RGP1: variants seen among roughly 807,000 people sequenced by gnomAD.
RGP1 encodes the protein RGP1 partner of RAB6A GEF complex, also known as RAB6A-GEF complex partner protein 2.
RGP1 carries 28 observed loss-of-function variants against 44.5 expected under a neutral mutation model. That is an observed-to-expected ratio of 0.63 (90% CI 0.47 to 0.86). The LOEUF is 0.86. Among genes scored for constraint, RGP1 ranks in the 40% least tolerant of loss-of-function variants. The pLI, the probability that RGP1 is intolerant of heterozygous loss-of-function variation, is 0.00. For synonymous variants in RGP1, 212 were observed against 196.7 expected (o/e 1.08, Z -0.65); for missense variants, 417 against 490.7 (o/e 0.85, Z 1.42).
the RGP1 span, among the ~76,000 whole-genome samples, chr9:35,781,766 A>G: frequency 6.6e-6 from 1 of 151,922 alleles, no homozygotes; most frequent in East Asian, 1.9e-4. Context: ...CTGTTCTGTT[A>G]TTGCTTATCC....
the RGP1 span, among the ~76,000 whole-genome samples, chr9:35,781,480 G>T: frequency 1.3e-5 from 2 of 151,832 alleles, no homozygotes; most frequent in Non-Finnish European, 2.9e-5. Context: ...TGATGAGAGT[G>T]GGTGCTACTG....
rs759223769 is a variant in RGP1, at chr9:35,751,707, G to C, written c.715G>C (p.Val239Leu). The change falls in exon 7 of 9, where the codon GTG becomes CTG. Residue 239 changes from valine to leucine, a missense_variant. Physicochemically the swap from Val to Leu is conservative, Grantham distance 32. Transcript: ENST00000378078. ...FKSVYRLGED[V>L]VGTLNLGEGT... ...ATCTGTGTACAGACTTGGCGAGGAC[G>C]TGGTGGGGACCTTAAACTTAGGGGA... 6.2e-7 allele frequency: 1 copy of C among 1,613,952 alleles called. No individual in the cohort carries two copies. The highest frequency in any genetic ancestry group is 1.7e-5 in the Admixed American group (1 of 60,014).
chr9:35,753,037 C>G lies in RGP1; in HGVS notation c.*163C>G. On this transcript the variant is annotated 3_prime_UTR_variant, in exon 9 of 9. Transcript: ENST00000378078. The surrounding 1 kb of genome is among the most constrained non-coding windows in gnomAD (Gnocchi z 4.2). ...TTTGTTCAGAATACATTGGCAGCTGCTAGTGGTTTCCCTGGAAGTGGCAGC... is the reference window on the plus strand; with the variant it reads ...TTTGTTCAGAATACATTGGCAGCTGGTAGTGGTTTCCCTGGAAGTGGCAGC... 1 of 1,586,160 alleles carries G rather than the reference C, an allele frequency of 6.3e-7. No individual in the cohort carries two copies.
chr9:35,774,048 A>G, the RGP1 span, among the ~76,000 whole-genome samples: 9 of 152,340 alleles, frequency 5.9e-5, no homozygotes, highest in East Asian at 1.9e-4. Flanking sequence ...ACTTTAAAAA[A>G]TGTGTATTGG....
the RGP1 span, among the ~76,000 whole-genome samples, chr9:35,775,773 C>G: frequency 6.6e-6 from 1 of 152,142 alleles, no homozygotes; most frequent in Admixed American, 6.5e-5. Context: ...CAAGCAAACT[C>G]TTTTAAAAAA....
chr9:35,754,032 C>T lies in RGP1; in HGVS notation c.*1158C>T. ...TTGGAAGTAGCACTTGCTGTAGACT[C>T]CTGGGTGCTGGAGGAGTAGAGACAT... On this transcript the variant is annotated 3_prime_UTR_variant, in exon 9 of 9. Coordinates refer to ENST00000378078, the MANE Select transcript of RGP1 (RefSeq NM_001080496.3). The T allele has an allele frequency of 6.2e-7, 1 of 1,613,812 alleles. No homozygotes were observed. Among genetic ancestry groups the T allele is most frequent in the Non-Finnish European group, 8.5e-7 (1 of 1,179,826 alleles).
chr9:35,750,135 T>G, intron 2 of RGP1, 108 bp from the exon 3 acceptor site: 14 of 1,442,134 alleles, frequency 9.7e-6, no homozygotes, highest in Non-Finnish European at 1.3e-5. Flanking sequence ...TCCTGATCAC[T>G]AGGACAGCCA....
At chr9:35,761,709 A>G (rs965748261), downstream of RGP1, among the ~76,000 whole-genome samples, 1 of 152,118 alleles carries the variant, frequency 6.6e-6, no homozygotes, top group African/African-American at 2.4e-5. Context: ...ACCCCAAAAA[A>G]ACAAAAACAA....
At chr9:35,777,964 TTTTGAATAG>T in the RGP1 span, among the ~76,000 whole-genome samples, 1 of 152,228 alleles carries the variant, frequency 6.6e-6, no homozygotes, top group Non-Finnish European at 1.5e-5. Flanking sequence ...TAATTAAAAA[TTTTGAATAG>T]GTCATACTTG....
chr9:35,753,921 A>T lies in RGP1; in HGVS notation c.*1047A>T. The T allele has an allele frequency of 6.4e-7, 1 of 1,562,042 alleles. No individual in the cohort carries two copies. ...CTGGAGGAAGCCTGGGTATTTTGAC[A>T]CGGGATCATCTGTAAGGCCCCATCC... is the stretch of plus-strand genomic sequence containing the variant. On this transcript the variant is annotated 3_prime_UTR_variant, in exon 9 of 9. Transcript: ENST00000378078. The surrounding 1 kb of genome is among the most constrained non-coding windows in gnomAD (Gnocchi z 4.2).
Position 35,752,719 on chromosome 9 carries a change from C to T in RGP1, c.1021C>T (p.Pro341Ser), listed in dbSNP as rs61731189. 1.4e-5 allele frequency: 23 copies of T among 1,613,586 alleles called. No homozygotes were observed. The highest frequency in any genetic ancestry group is 4.0e-5 in the African/African-American group (3 of 74,886). Residue 341 changes from proline to serine, a missense_variant, in exon 9 of 9, where the codon CCT (proline) becomes TCT (serine). Pro to Ser is a moderately conservative substitution (Grantham distance 74). Transcript: ENST00000378078. ...SREPGLVLLPPVEQPEPTTWT... is the reference protein window; with the variant it reads ...SREPGLVLLPSVEQPEPTTWT... ...AGAACCAGGATTGGTACTCCTACCC[C>T]CTGTGGAACAGCCCGAACCTACCAC...
chr9:35,763,982 G>A, the RGP1 span, among the ~76,000 whole-genome samples: 1 of 151,418 alleles, frequency 6.6e-6, no homozygotes, highest in Non-Finnish European at 1.5e-5. Flanking sequence ...GAGAGAGGAG[G>A]GGAGGAAGAG....
rs1391107632 is a variant in RGP1 at position 35,755,536 on chromosome 9, G to GA, written c.*2662_*2663insA. The GA allele has an allele frequency of 1.3e-5, 2 of 152,274 alleles. No homozygotes were observed. Among genetic ancestry groups the GA allele is most frequent in the African/African-American group, 2.4e-5 (1 of 41,426 alleles). The allele number at this position is 152,274 out of a possible 1,614,324, so 9.4% of individuals were successfully genotyped here. On this transcript the variant is annotated 3_prime_UTR_variant, in exon 9 of 9. Coordinates refer to ENST00000378078, the MANE Select transcript of RGP1 (RefSeq NM_001080496.3). ...AATTTTTCCACCAGTGGATGGAGGG[G>GA]GATAGCAGCGGGGAGATGATTTTGG...
At chr9:35,782,337 G>A in the RGP1 span, among the ~76,000 whole-genome samples, 1 of 152,234 alleles carries the variant, frequency 6.6e-6, no homozygotes, top group Non-Finnish European at 1.5e-5. Context: ...GATTTTCAAA[G>A]TGTTATTTTG....
the RGP1 span, among the ~76,000 whole-genome samples, chr9:35,774,744 C>A: frequency 0.017 from 2,602 of 151,922 alleles, 55 homozygotes; most frequent in African/African-American, 0.06. Flanking sequence ...CAAAAAAAAA[C>A]ATGGAAATAG....
At chr9:35,751,070 ACTGCAGGGAAACTTCCT>A (rs1827251748) in intron 5 of RGP1, 81 bp downstream of exon 5, 1 of 1,553,144 alleles carries the variant, frequency 6.4e-7, no homozygotes, top group South Asian at 1.2e-5. Context: ...TGCAAGAGGG[ACTGCAGGGAAACTTCCT>A]GGTCTCAGTG....
At position 35,752,631 on chromosome 9, in the gene RGP1, T is replaced by G; in HGVS notation, c.953-20T>G. 6.3e-7 allele frequency: 1 copy of G among 1,580,628 alleles called. No individual in the cohort carries two copies. On this transcript the variant is annotated intron_variant, in intron 8 of 8. Transcript: ENST00000378078. The stretch of plus-strand genomic sequence containing the variant: ...CCTGCTAGCTTCTGATGCTTCTACC[T>G]TAATCTTTTTCTTCCATAGTGTCCT...
Position 35,750,224 on chromosome 9 carries a change from C to T in RGP1, c.117-19C>T. 6.2e-7 allele frequency: 1 copy of T among 1,611,078 alleles called. No homozygotes were observed. The highest frequency in any genetic ancestry group is 2.2e-5 in the East Asian group (1 of 44,864). On this transcript the variant is annotated intron_variant, in intron 2 of 8. Transcript: ENST00000378078. ...AGGTCAGGAACTACCTCTGATGCCT[C>T]CTTTTCCTTTTCCCACAGTGAGGCC...
rs1374912041 is a variant in RGP1 at position 35,753,913 on chromosome 9, ATT to A, written c.*1042_*1043del. 1.3e-6 allele frequency: 2 copies of A among 1,559,482 alleles called. No individual in the cohort carries two copies. Among genetic ancestry groups the A allele is most frequent in the Non-Finnish European group, 1.7e-6 (2 of 1,148,004 alleles). On this transcript the variant is annotated 3_prime_UTR_variant, in exon 9 of 9. Transcript: ENST00000378078. This position sits in a 1 kb window ranked among gnomAD's most constrained non-coding sequence, Gnocchi z 4.2. Reference sequence around the variant, plus strand: ...TTTCACAGCTGGAGGAAGCCTGGGTATTTTGACACGGGATCATCTGTAAGGCC... The same window carrying A: ...TTTCACAGCTGGAGGAAGCCTGGGTATTGACACGGGATCATCTGTAAGGCC...
Sources: gnomAD v4.1 joint callset for allele counts (sites outside exome capture counted in the v4.1 genomes callset) on GRCh38, gnomAD v4.1.1 for gene constraint, Gnocchi (gnomAD v3.1) non-coding constraint, MANE v1.5 for transcripts, NCBI Gene and HGNC (gene_info 2026-07-23, HGNC 2026-07-21) for gene names.